The following RALYL variants were observed in gnomAD, a reference collection of about 807,000 sequenced individuals.
The protein encoded by RALYL is RNA-binding Raly-like protein.
Under a neutral mutation model 35.1 loss-of-function variants are expected in RALYL, and 29 were observed. That is an observed-to-expected ratio of 0.83 (90% CI 0.61 to 1.13). The LOEUF (loss-of-function observed/expected upper bound fraction) is 1.13. RALYL is among the 50% of genes most tolerant of loss of function. The probability of loss-of-function intolerance (pLI) is 0.00; values close to 1 mark genes in which losing one functional copy is unlikely to be tolerated. For synonymous variants in RALYL, 120 were observed against 127.6 expected (o/e 0.94, Z 0.40); for missense variants, 359 against 360.4 (o/e 1.00, Z 0.03).
chr8:84,529,704 A>T (rs535806388), intron 2 of RALYL, 127 bp downstream of exon 2: 171 of 684,774 alleles, frequency 2.5e-4, no homozygotes, highest in Non-Finnish European at 3.3e-4. Flanking sequence ...TTTTATATTT[A>T]TTATTTATAT....
intron 1 of RALYL, among the ~76,000 whole-genome samples, chr8:84,359,284 C>T (rs1333318585): frequency 2.0e-5 from 3 of 150,810 alleles, no homozygotes; most frequent in South Asian, 4.2e-4. Flanking sequence ...TTATTGAATG[C>T]TATTATCTTT....
intron 2 of RALYL, among the ~76,000 whole-genome samples, chr8:84,598,530 C>A (rs1254712548): frequency 3.9e-5 from 6 of 152,100 alleles, no homozygotes; most frequent in African/African-American, 1.4e-4. Context: ...TTGAGCCCAT[C>A]AATACTTGGA....
Position 84,685,138 on chromosome 8 carries a change from T to C in RALYL, c.257-89441T>C, listed in dbSNP as rs143358211. Among the ~76,000 whole-genome samples the C allele has an allele frequency of 2.4e-3, 358 of 152,134 alleles. 4 individuals carry two copies. Among genetic ancestry groups the C allele is most frequent in the African/African-American group, 8.4e-3 (348 of 41,494 alleles). ...GGCCCCATTTCCAAATACAATCACA[T>C]TGGAGGCTGGGGTTTTGACATGGGA... On this transcript the variant is annotated intron_variant, in intron 2 of 8. Coordinates refer to ENST00000521268, the MANE Select transcript of RALYL (RefSeq NM_173848.7).
rs1350064688 is a variant in RALYL, at chr8:84,745,467, A to G, written c.257-29112A>G. 2.6e-5 allele frequency among the ~76,000 whole-genome samples: 4 copies of G among 152,018 alleles called. No individual in the cohort carries two copies. The South Asian group carries it at 8.3e-4, about 31-fold the overall frequency. On this transcript the variant is annotated intron_variant, in intron 2 of 8. Coordinates refer to ENST00000521268, the MANE Select transcript of RALYL (RefSeq NM_173848.7). ...AAGTGTACTACAGTGATTTTTAGGCATACATATGTATTAGAGAAGAAGTGA... is the reference window on the plus strand; with the variant it reads ...AAGTGTACTACAGTGATTTTTAGGCGTACATATGTATTAGAGAAGAAGTGA...
intron 1 of RALYL, among the ~76,000 whole-genome samples, chr8:84,435,480 A>G (rs1267639243): frequency 6.6e-6 from 1 of 152,168 alleles, no homozygotes; most frequent in Non-Finnish European, 1.5e-5. Flanking sequence ...ATTTTAGAGA[A>G]AAAAGGGAAA....
intron 1 of RALYL, among the ~76,000 whole-genome samples, chr8:84,488,544 C>A (rs1267950658): frequency 6.6e-6 from 1 of 151,942 alleles, no homozygotes; most frequent in African/African-American, 2.4e-5. Flanking sequence ...CCCTTTCTTC[C>A]CAATAGGCTG....
At chr8:84,527,381 C>A (rs1022538137) in intron 1 of RALYL, among the ~76,000 whole-genome samples, 2 of 152,200 alleles carry the variant, frequency 1.3e-5, no homozygotes, top group Admixed American at 6.5e-5. Flanking sequence ...CCACCGGGCT[C>A]TGTAAACCAC....
At chr8:84,890,976 A>G (rs1201348362) in intron 8 of RALYL, among the ~76,000 whole-genome samples, 1 of 152,162 alleles carries the variant, frequency 6.6e-6, no homozygotes, top group African/African-American at 2.4e-5. Flanking sequence ...AAGCCCCTAC[A>G]TATACCATTA....
At chr8:84,666,349 C>T (rs781493496) in intron 2 of RALYL, among the ~76,000 whole-genome samples, 17 of 151,884 alleles carry the variant, frequency 1.1e-4, no homozygotes, top group East Asian at 3.9e-4. Context: ...AAAATGAGTA[C>T]GCATGTGCAC....
At chr8:84,237,546 T>C (rs770116354) in intron 1 of RALYL, among the ~76,000 whole-genome samples, 2 of 152,124 alleles carry the variant, frequency 1.3e-5, no homozygotes, top group Non-Finnish European at 2.9e-5. Context: ...TACATTTTAT[T>C]ACACCGAAAA....
At chr8:84,718,293 A>T (rs1843267412) in intron 2 of RALYL, among the ~76,000 whole-genome samples, 1 of 152,178 alleles carries the variant, frequency 6.6e-6, no homozygotes, top group Non-Finnish European at 1.5e-5. Context: ...AGGTCATTTC[A>T]GTTGTTAAGT....
At chr8:84,240,358 T>G (rs1325290326) in intron 1 of RALYL, among the ~76,000 whole-genome samples, 1 of 152,260 alleles carries the variant, frequency 6.6e-6, no homozygotes, top group African/African-American at 2.4e-5. Flanking sequence ...TTGCTGATTT[T>G]GAACTCTTCA....
At chr8:84,385,743 C>G (rs767435964) in intron 1 of RALYL, among the ~76,000 whole-genome samples, 5 of 149,534 alleles carry the variant, frequency 3.3e-5, no homozygotes, top group Admixed American at 1.3e-4. Context: ...CCTGACAGGG[C>G]TAGCTAGCCT....
At chr8:84,887,566 AC>A (rs1233393613) in intron 7 of RALYL, 37 bp from the exon 8 acceptor site, 2 of 1,574,616 alleles carry the variant, frequency 1.3e-6, no homozygotes, top group Non-Finnish European at 1.7e-6. Context: ...CTCATGAGCA[AC>A]CCAAGGTAGT....
In RALYL at chr8:84,266,686, A is replaced by T. The variant is rs961387180; in HGVS notation, c.-24+82262A>T. 3.9e-5 allele frequency among the ~76,000 whole-genome samples: 6 copies of T among 152,256 alleles called. No homozygotes were observed. In the East Asian group the frequency reaches 1.2e-3, roughly 30 times the overall value. On this transcript the variant is annotated intron_variant, in intron 1 of 8. Coordinates refer to ENST00000521268, the MANE Select transcript of RALYL (RefSeq NM_173848.7). ...AGGTAAATGCCAGTCCTTTAAATTG[A>T]TGTGAGAATCACGCCTGTAATCCCA...
intron 2 of RALYL, among the ~76,000 whole-genome samples, chr8:84,654,249 G>T (rs985681278): frequency 1.0e-5 from 1 of 97,500 alleles, no homozygotes; most frequent in African/African-American, 3.5e-5. Context: ...CACCACCAAC[G>T]TATATGTATA....
intron 2 of RALYL, among the ~76,000 whole-genome samples, chr8:84,633,302 C>T (rs900342282): frequency 2.6e-5 from 4 of 151,594 alleles, no homozygotes; most frequent in Non-Finnish European, 5.9e-5. Flanking sequence ...AGAGTTTGGA[C>T]AGTAGGAGAT....
chr8:84,565,418 G>A (rs970210763), intron 2 of RALYL, among the ~76,000 whole-genome samples: 1 of 151,336 alleles, frequency 6.6e-6, no homozygotes, highest in Non-Finnish European at 1.5e-5. Context: ...AAGTATCACT[G>A]GGTCTTATGA....
chr8:84,731,198 C>G (rs776515400), intron 2 of RALYL, among the ~76,000 whole-genome samples: 6 of 152,082 alleles, frequency 3.9e-5, no homozygotes, highest in Middle Eastern at 3.2e-3. Flanking sequence ...GAAAGCCTCC[C>G]TTGCCCGTGG....
Sources: gnomAD v4.1 joint callset for allele counts (sites outside exome capture counted in the v4.1 genomes callset) on GRCh38, gnomAD v4.1.1 for gene constraint, MANE v1.5 for transcripts, NCBI Gene and HGNC (gene_info 2026-07-23, HGNC 2026-07-21) for gene names.